ASIC2: variants seen among roughly 807,000 people sequenced by gnomAD.
ASIC2 encodes the protein acid sensing ion channel subunit 2, also known as acid-sensing ion channel 2.
ASIC2 carries 25 observed loss-of-function variants against 57.3 expected under a neutral mutation model. The ratio of observed to expected loss-of-function variants is 0.44; its 90% CI spans 0.32 to 0.61. ASIC2 has a LOEUF of 0.61. ASIC2 is among the 20% of genes least tolerant of loss of function. The pLI, the probability that ASIC2 is intolerant of heterozygous loss-of-function variation, is 0.06. For synonymous variants in ASIC2, 319 were observed against 307.5 expected, an observed-to-expected ratio of 1.04 and a Z score of -0.39; for missense variants, 641 against 738.1, an observed-to-expected ratio of 0.87 and a Z score of 1.52.
intron 1 of ASIC2, among the ~76,000 whole-genome samples, chr17:33,594,841 AAAAG>A (rs1325378162): frequency 1.3e-5 from 2 of 152,024 alleles, no homozygotes; most frequent in Non-Finnish European, 2.9e-5. Context: ...AAAAAAAAAA[AAAAG>A]AGCTCTGTTT....
At chr17:33,754,825 G>A (rs547376500) in intron 1 of ASIC2, among the ~76,000 whole-genome samples, 2 of 151,998 alleles carry the variant, frequency 1.3e-5, no homozygotes, top group Admixed American at 6.5e-5. Context: ...AGGCATGGTG[G>A]CGGGCACCTG....
chr17:34,077,278 T>C (rs1450052964), intron 1 of ASIC2, among the ~76,000 whole-genome samples: 2 of 152,174 alleles, frequency 1.3e-5, no homozygotes, highest in African/African-American at 2.4e-5. Context: ...AGCCACATGC[T>C]CTGGTCTGCA....
chr17:33,356,705 A>C (rs189898234), intron 1 of ASIC2, among the ~76,000 whole-genome samples: 5 of 152,288 alleles, frequency 3.3e-5, no homozygotes, highest in African/African-American at 9.6e-5. Context: ...ACCTGGCTGC[A>C]CAATTTGGAT....
intron 1 of ASIC2, among the ~76,000 whole-genome samples, chr17:33,941,230 G>T (rs1277872776): frequency 6.6e-6 from 1 of 152,198 alleles, no homozygotes; most frequent in Non-Finnish European, 1.5e-5. Context: ...TCAGGGATGA[G>T]CAGGAAGGAC....
intron 1 of ASIC2, among the ~76,000 whole-genome samples, chr17:33,903,303 C>G: frequency 6.6e-6 from 1 of 152,168 alleles, no homozygotes; most frequent in East Asian, 1.9e-4. Context: ...ATAGAAAATT[C>G]CAGCCAGCAA....
rs1912003338 is a variant in ASIC2 at position 33,799,074 on chromosome 17, A to G, written c.555+356904T>C. On this transcript the variant is annotated intron_variant, in intron 1 of 9. Coordinates refer to the ASIC2 transcript ENST00000359872. ...CCAGTGGGGTAGGAGTTCTGTCCTA[A>G]ATAGAATTGACAAATGCCTTGACCT... is the stretch of plus-strand genomic sequence containing the variant. 3.9e-5 allele frequency among the ~76,000 whole-genome samples: 6 copies of G among 152,158 alleles called. No individual in the cohort carries two copies. In the South Asian group the frequency reaches 1.0e-3, roughly 26 times the overall value.
chr17:33,351,996 C>T lies in ASIC2; in HGVS notation c.556-239929G>A, dbSNP rs200025296. On this transcript the variant is annotated intron_variant, in intron 1 of 9. Transcript: ENST00000359872. ...TTCCTTCTGCATGCTCAGGACTCAC[C>T]GCCTGTCTGATGTCTGCTCCTCAGC... 7.9e-5 allele frequency among the ~76,000 whole-genome samples: 12 copies of T among 152,048 alleles called. No homozygotes were observed. The East Asian group carries it at 1.7e-3, about 22-fold the overall frequency.
intron 1 of ASIC2, among the ~76,000 whole-genome samples, chr17:33,858,768 G>C (rs1914029157): frequency 6.6e-6 from 1 of 152,194 alleles, no homozygotes; most frequent in Admixed American, 6.5e-5. Context: ...ATCTCACCCA[G>C]GTTCTCCCTT....
chr17:34,023,487 C>A (rs73278489), intron 1 of ASIC2, among the ~76,000 whole-genome samples: 6,824 of 152,160 alleles, frequency 0.045, 504 homozygotes, highest in African/African-American at 0.16. Context: ...GTGTCCCCTC[C>A]AAAATTCAGG....
At chr17:33,079,800 C>T (rs562204285) in intron 3 of ASIC2, among the ~76,000 whole-genome samples, 78 of 152,180 alleles carry the variant, frequency 5.1e-4, no homozygotes, top group African/African-American at 1.2e-3. Flanking sequence ...CTTAGTTTTC[C>T]GGTCCCCCTG....
chr17:33,033,313 T>C, intron 3 of ASIC2, among the ~76,000 whole-genome samples: 1 of 152,290 alleles, frequency 6.6e-6, no homozygotes, highest in Non-Finnish European at 1.5e-5. Flanking sequence ...CTCCCTGTGC[T>C]CTTCTGGGAG....
At position 33,471,627 on chromosome 17, in the gene ASIC2, A is replaced by G. The variant is rs549471170; in HGVS notation, c.556-359560T>C. On this transcript the variant is annotated intron_variant, in intron 1 of 9. Coordinates refer to the ASIC2 transcript ENST00000359872. ...GAGTAATCATTTTTGGCTACTGGAA[A>G]GAAGGAATCTTTATGGAAGGAGATA... 1.0e-3 allele frequency among the ~76,000 whole-genome samples: 152 copies of G among 152,276 alleles called. No homozygotes were observed. The Middle Eastern group carries it at 0.02, about 20-fold the overall frequency.
intron 1 of ASIC2, among the ~76,000 whole-genome samples, chr17:33,831,246 AT>A: frequency 1.3e-5 from 2 of 149,086 alleles, no homozygotes; most frequent in East Asian, 4.2e-4. Flanking sequence ...CCTAGTCGAG[AT>A]TTTTGGGGGC....
chr17:33,945,575 G>T (rs2141981605), intron 1 of ASIC2, among the ~76,000 whole-genome samples: 1 of 152,268 alleles, frequency 6.6e-6, no homozygotes. Flanking sequence ...TAAGCGGGCA[G>T]TTCAGAGCTA....
intron 1 of ASIC2, among the ~76,000 whole-genome samples, chr17:34,138,111 A>AC (rs932465892): frequency 2.0e-5 from 3 of 152,190 alleles, no homozygotes; most frequent in African/African-American, 7.2e-5. Flanking sequence ...TTCTTCATGC[A>AC]CCCCACCTAG....
chr17:33,464,150 C>T (rs1912733360), intron 1 of ASIC2, among the ~76,000 whole-genome samples: 1 of 152,202 alleles, frequency 6.6e-6, no homozygotes, highest in Non-Finnish European at 1.5e-5. Context: ...TGAGACCTGC[C>T]TTTCCTCTTT....
chr17:33,326,612 C>T (rs1388566691), intron 1 of ASIC2, among the ~76,000 whole-genome samples: 1 of 152,228 alleles, frequency 6.6e-6, no homozygotes, highest in East Asian at 1.9e-4. Flanking sequence ...ATACACTTCT[C>T]AACCCAAACA....
intron 1 of ASIC2, among the ~76,000 whole-genome samples, chr17:33,725,265 G>A (rs919582746): frequency 3.9e-5 from 6 of 152,230 alleles, no homozygotes; most frequent in African/African-American, 1.2e-4. Flanking sequence ...GGGAAAATAC[G>A]TGGAGGGAAG....
chr17:33,876,331 C>T (rs1346443942), intron 1 of ASIC2, among the ~76,000 whole-genome samples: 1 of 152,188 alleles, frequency 6.6e-6, no homozygotes, highest in Admixed American at 6.5e-5. Context: ...ACTCTCCAGA[C>T]CTTGTTACTG....
Sources: allele counts gnomAD v4.1 joint callset (sites outside exome capture counted in the v4.1 genomes callset), GRCh38; gene constraint gnomAD v4.1.1; transcripts MANE v1.5; gene names NCBI Gene and HGNC (gene_info 2026-07-23, HGNC 2026-07-21).